Variants in PTPRD observed in about 807,000 individuals in gnomAD.
The protein encoded by PTPRD is protein tyrosine phosphatase receptor type D.
Under a neutral mutation model 214.5 loss-of-function variants are expected in PTPRD, and 34 were observed. The observed-to-expected ratio is 0.16, with a 90% CI of 0.12 to 0.21. The LOEUF is 0.21. Among genes scored for constraint, PTPRD ranks in the 10% least tolerant of loss-of-function variants. PTPRD has a pLI of 1.00. For synonymous variants in PTPRD, 1,128 were observed against 845.7 expected, an observed-to-expected ratio of 1.33 and a Z score of -5.79; for missense variants, 2,545 against 2,398.7, an observed-to-expected ratio of 1.06 and a Z score of -1.27.
At chr9:10,393,481 G>A (rs1458341765) in intron 2 of PTPRD, among the ~76,000 whole-genome samples, 1 of 151,474 alleles carries the variant, frequency 6.6e-6, no homozygotes, top group African/African-American at 2.4e-5. Flanking sequence ...AAAAGAGAAA[G>A]AGAAATGTAT....
At chr9:8,461,246 T>C (rs1198963125) in intron 32 of PTPRD, among the ~76,000 whole-genome samples, 1 of 152,076 alleles carries the variant, frequency 6.6e-6, no homozygotes, top group African/African-American at 2.4e-5. Context: ...CTTTATAAAA[T>C]ATAGAATTTT....
At chr9:8,349,453 A>T (rs1056081033) in intron 39 of PTPRD, among the ~76,000 whole-genome samples, 1 of 152,164 alleles carries the variant, frequency 6.6e-6, no homozygotes, top group African/African-American at 2.4e-5. Flanking sequence ...TACTTCTAAA[A>T]GCAAATGCAT....
intron 2 of PTPRD, among the ~76,000 whole-genome samples, chr9:10,436,035 G>C (rs915717929): frequency 6.6e-6 from 1 of 151,800 alleles, no homozygotes; most frequent in Non-Finnish European, 1.5e-5. Context: ...GATTAAAGCG[G>C]TATAACACAA....
At chr9:10,125,500 G>A (rs992378529) in intron 3 of PTPRD, among the ~76,000 whole-genome samples, 28 of 146,450 alleles carry the variant, frequency 1.9e-4, no homozygotes, top group Non-Finnish European at 2.7e-4. Flanking sequence ...TGTTCCCCAG[G>A]TTGTAGTGCA....
At position 10,394,653 on chromosome 9, in the gene PTPRD, T is replaced by C. The variant is rs78745320; in HGVS notation, c.-599-53636A>G. On this transcript the variant is annotated intron_variant, in intron 2 of 45. Coordinates refer to ENST00000381196, the MANE Select transcript of PTPRD (RefSeq NM_002839.4). ...ACATCCTAATAGTCACTGAATGTCA[T>C]GTGATTAATAACCTTCATAAAAATA... Among the ~76,000 whole-genome samples the C allele has an allele frequency of 3.3e-5, 5 of 152,076 alleles. No individual in the cohort carries two copies. The East Asian group carries it at 9.7e-4, about 30-fold the overall frequency.
intron 3 of PTPRD, among the ~76,000 whole-genome samples, chr9:10,286,514 A>T (rs1278115669): frequency 6.6e-6 from 1 of 152,000 alleles, no homozygotes; most frequent in East Asian, 1.9e-4. Flanking sequence ...TCTTAGCCTT[A>T]AATCTGCAGG....
At chr9:8,929,733 G>GTATATATATATGTGTA (rs758580880) in intron 11 of PTPRD, among the ~76,000 whole-genome samples, 4 of 95,072 alleles carry the variant, frequency 4.2e-5, no homozygotes, top group African/African-American at 1.9e-4. Context: ...ATATATATGT[G>GTATATATATATGTGTA]TATATATATG....
At chr9:8,970,727 C>A (rs1469652605) in intron 11 of PTPRD, among the ~76,000 whole-genome samples, 7 of 151,692 alleles carry the variant, frequency 4.6e-5, no homozygotes, top group African/African-American at 1.5e-4. Context: ...CAAAACCAAC[C>A]TAACAAACAG....
intron 4 of PTPRD, among the ~76,000 whole-genome samples, chr9:10,006,104 A>G (rs2096467799): frequency 7.4e-6 from 1 of 134,736 alleles, no homozygotes; most frequent in South Asian, 2.7e-4. Context: ...GCAGTTAATG[A>G]TTTCCTATTG....
rs200185489 is a variant in PTPRD, at chr9:10,141,562, C to T, written c.-544-107772G>A. 2.4e-3 allele frequency among the ~76,000 whole-genome samples: 367 copies of T among 151,496 alleles called. 2 individuals carry two copies. Among genetic ancestry groups the T allele is most frequent in the African/African-American group, 8.5e-3 (347 of 40,950 alleles). ...CTTACAAGGGATGTGAAGGACCTCTCCAAGGAGAACTACAAACCACTGCTC... is the reference window on the plus strand; with the variant it reads ...CTTACAAGGGATGTGAAGGACCTCTTCAAGGAGAACTACAAACCACTGCTC... On this transcript the variant is annotated intron_variant, in intron 3 of 45. Coordinates refer to ENST00000381196, the MANE Select transcript of PTPRD (RefSeq NM_002839.4).
intron 8 of PTPRD, among the ~76,000 whole-genome samples, chr9:9,482,762 T>C (rs2095471834): frequency 1.3e-5 from 2 of 152,190 alleles, no homozygotes; most frequent in South Asian, 4.1e-4. Context: ...TAATTGAGGC[T>C]ATGAAGAGAC....
intron 2 of PTPRD, among the ~76,000 whole-genome samples, chr9:10,576,595 C>G (rs1252340724): frequency 2.0e-5 from 3 of 152,130 alleles, no homozygotes; most frequent in Non-Finnish European, 4.4e-5. Flanking sequence ...TAAAGGTTGA[C>G]TGATTTTCTT....
chr9:9,232,560 T>G (rs193095716), intron 9 of PTPRD, among the ~76,000 whole-genome samples: 1 of 152,164 alleles, frequency 6.6e-6, no homozygotes, highest in African/African-American at 2.4e-5. Context: ...ATTCTGGAAG[T>G]AATAAAAATA....
chr9:10,432,379 A>G (rs1295097871), intron 2 of PTPRD, among the ~76,000 whole-genome samples: 1 of 151,514 alleles, frequency 6.6e-6, no homozygotes, highest in Non-Finnish European at 1.5e-5. Flanking sequence ...TGGCACATGT[A>G]TACATATGTA....
intron 4 of PTPRD, among the ~76,000 whole-genome samples, chr9:9,992,600 C>G (rs34527700): frequency 0.07 from 10,641 of 152,198 alleles, 500 homozygotes; most frequent in East Asian, 0.13. Flanking sequence ...CACATATACA[C>G]CATGGAATAC....
At chr9:8,459,479 G>C (rs1027667899) in intron 33 of PTPRD, among the ~76,000 whole-genome samples, 1 of 151,918 alleles carries the variant, frequency 6.6e-6, no homozygotes, top group Non-Finnish European at 1.5e-5. Flanking sequence ...CATTTTAAAT[G>C]TTTAAGAAAG....
At chr9:10,316,219 G>A (rs1161122227) in intron 3 of PTPRD, among the ~76,000 whole-genome samples, 1 of 148,946 alleles carries the variant, frequency 6.7e-6, no homozygotes, top group East Asian at 2.0e-4. Context: ...ATATGATAAA[G>A]ACGACTGTGC....
chr9:9,831,617 A>C (rs2054867733), intron 5 of PTPRD, among the ~76,000 whole-genome samples: 1 of 151,984 alleles, frequency 6.6e-6, no homozygotes, highest in South Asian at 2.1e-4. Context: ...CATGCTTGCT[A>C]ACCAACTACC....
chr9:10,258,976 C>G (rs1446163642), intron 3 of PTPRD, among the ~76,000 whole-genome samples: 1 of 152,024 alleles, frequency 6.6e-6, no homozygotes, highest in Non-Finnish European at 1.5e-5. Flanking sequence ...TTAAAGGTAT[C>G]TGTTTCTGTT....
Sources: allele counts gnomAD v4.1 joint callset (sites outside exome capture counted in the v4.1 genomes callset), GRCh38; gene constraint gnomAD v4.1.1; transcripts MANE v1.5; gene names NCBI Gene and HGNC (gene_info 2026-07-23, HGNC 2026-07-21).